The following PIP5K1B variants were observed in gnomAD, a reference collection of about 807,000 sequenced individuals.
PIP5K1B encodes the protein phosphatidylinositol 4-phosphate 5-kinase type-1 beta.
In PIP5K1B, 42 loss-of-function variants were observed where a neutral mutation model predicts 67.0. That is an observed-to-expected ratio of 0.63 (90% CI 0.49 to 0.81). The LOEUF (loss-of-function observed/expected upper bound fraction) is 0.81. Among genes scored for constraint, PIP5K1B ranks in the 30% least tolerant of loss-of-function variants. The pLI, the probability that PIP5K1B is intolerant of heterozygous loss-of-function variation, is 0.00. For synonymous variants in PIP5K1B, 214 were observed against 231.4 expected, an observed-to-expected ratio of 0.92 and a Z score of 0.68; for missense variants, 459 against 646.3, an observed-to-expected ratio of 0.71 and a Z score of 3.14.
chr9:68,764,235 A>G (rs1830325864), intron 2 of PIP5K1B, among the ~76,000 whole-genome samples: 1 of 151,860 alleles, frequency 6.6e-6, no homozygotes. Context: ...AGTGGTCTCC[A>G]TAGTGTTCAT....
chr9:69,003,483 G>A (rs1375127397), intron 15 of PIP5K1B, among the ~76,000 whole-genome samples: 4 of 151,438 alleles, frequency 2.6e-5, no homozygotes, highest in Non-Finnish European at 4.4e-5. Context: ...AAAAAAGGGG[G>A]GGGGATATCA....
chr9:68,975,171 C>G (rs1417611625), intron 14 of PIP5K1B, among the ~76,000 whole-genome samples: 1 of 152,188 alleles, frequency 6.6e-6, no homozygotes, highest in Non-Finnish European at 1.5e-5. Context: ...TGAACTCAAG[C>G]AGCCCTCCCA....
intron 13 of PIP5K1B, among the ~76,000 whole-genome samples, chr9:68,938,411 G>A (rs759794917): frequency 1.3e-5 from 2 of 152,026 alleles, no homozygotes; most frequent in African/African-American, 2.4e-5. Context: ...TCAGAGATTA[G>A]GATTGCAACT....
intron 1 of PIP5K1B, among the ~76,000 whole-genome samples, chr9:68,732,847 G>A (rs184664373): frequency 7.5e-6 from 1 of 132,604 alleles, no homozygotes; most frequent in Non-Finnish European, 1.6e-5. Context: ...CATTACAATT[G>A]ATTACTGGCA....
intron 2 of PIP5K1B, chr9:68,780,669 G>A (rs1421543807): frequency 6.2e-7 from 1 of 1,614,188 alleles, no homozygotes; most frequent in Admixed American, 1.7e-5. Flanking sequence ...AAGTAGCAAC[G>A]GATTGCCTCC....
intron 6 of PIP5K1B, among the ~76,000 whole-genome samples, chr9:68,877,813 C>T (rs1290849327): frequency 6.6e-6 from 1 of 152,134 alleles, no homozygotes; most frequent in Non-Finnish European, 1.5e-5. Flanking sequence ...ATGACTTCTG[C>T]CTAATGAAGC....
intron 7 of PIP5K1B, among the ~76,000 whole-genome samples, chr9:68,889,465 T>A (rs919434110): frequency 6.6e-6 from 1 of 152,164 alleles, no homozygotes; most frequent in Non-Finnish European, 1.5e-5. Context: ...CCAGGCGTGG[T>A]GGCTCACGCC....
chr9:68,877,101 CTGATTAGATT>C (rs1823936532), intron 6 of PIP5K1B, among the ~76,000 whole-genome samples: 1 of 152,102 alleles, frequency 6.6e-6, no homozygotes, highest in Non-Finnish European at 1.5e-5. Flanking sequence ...GTGAATTTTG[CTGATTAGATT>C]CTATTTGAAA....
intron 12 of PIP5K1B, among the ~76,000 whole-genome samples, chr9:68,923,842 C>T (rs1283028584): frequency 6.6e-6 from 1 of 152,128 alleles, no homozygotes; most frequent in Non-Finnish European, 1.5e-5. Context: ...CAAAACAAGT[C>T]TCAGTACATT....
chr9:68,978,194 G>A (rs923170092), intron 14 of PIP5K1B, among the ~76,000 whole-genome samples: 2 of 152,120 alleles, frequency 1.3e-5, no homozygotes, highest in African/African-American at 4.8e-5. Context: ...TACACAATAC[G>A]TGATTATTAA....
chr9:68,974,849 A>G (rs563714805), intron 14 of PIP5K1B, among the ~76,000 whole-genome samples: 111 of 152,270 alleles, frequency 7.3e-4, no homozygotes, highest in African/African-American at 2.4e-3. Context: ...TGCAGACCTA[A>G]TAGTAATTTG....
intron 2 of PIP5K1B, chr9:68,780,391 C>G (rs150215109): frequency 6.2e-7 from 1 of 1,613,874 alleles, no homozygotes; most frequent in Non-Finnish European, 8.5e-7. Flanking sequence ...CTGCCGGCCT[C>G]CCCTGTCCGC....
intron 2 of PIP5K1B, chr9:68,780,706 G>C (rs1354000026): frequency 6.2e-7 from 1 of 1,614,082 alleles, no homozygotes; most frequent in Non-Finnish European, 8.5e-7. Context: ...CCAACGACCC[G>C]ATTTACCACC....
intron 13 of PIP5K1B, among the ~76,000 whole-genome samples, chr9:68,937,414 A>C (rs549580001): frequency 6.6e-6 from 1 of 152,268 alleles, no homozygotes; most frequent in African/African-American, 2.4e-5. Flanking sequence ...GTATTCTCTG[A>C]TGGTAGTTTG....
intron 4 of PIP5K1B, among the ~76,000 whole-genome samples, chr9:68,838,210 C>T (rs1390211172): frequency 6.6e-6 from 1 of 151,514 alleles, no homozygotes; most frequent in Non-Finnish European, 1.5e-5. Context: ...CGGTTCATGA[C>T]TGATTCTTGG....
intron 8 of PIP5K1B, among the ~76,000 whole-genome samples, chr9:68,899,453 G>C (rs1256457719): frequency 1.4e-5 from 1 of 73,794 alleles, no homozygotes; most frequent in Non-Finnish European, 2.8e-5. Context: ...ATAATCAGCT[G>C]TCTAATGATT....
chr9:68,742,355 G>A (rs1297004475), intron 1 of PIP5K1B, 146 bp from the exon 2 acceptor site: 2 of 152,168 alleles, frequency 1.3e-5, no homozygotes, highest in African/African-American at 4.8e-5. Context: ...ACAGATAGGG[G>A]TATGTAATTT....
chr9:68,951,758 A>G (rs1828078765), intron 14 of PIP5K1B, among the ~76,000 whole-genome samples: 2 of 152,234 alleles, frequency 1.3e-5, no homozygotes, highest in South Asian at 4.1e-4. Context: ...CTCTATGCCC[A>G]GAGTTTAACA....
intron 6 of PIP5K1B, among the ~76,000 whole-genome samples, chr9:68,888,018 G>A (rs7031641): frequency 0.034 from 4,707 of 139,598 alleles, 272 homozygotes; most frequent in African/African-American, 0.12. Context: ...TCGCTCTGTC[G>A]CCCAGGCTGG....
Sources: gnomAD v4.1 joint callset for allele counts (sites outside exome capture counted in the v4.1 genomes callset) on GRCh38, gnomAD v4.1.1 for gene constraint, MANE v1.5 for transcripts, NCBI Gene and HGNC (gene_info 2026-07-23, HGNC 2026-07-21) for gene names.